MSTO1: variants seen among roughly 807,000 people sequenced by gnomAD.
The protein encoded by MSTO1 is protein misato homolog 1.
A neutral mutation model predicts 55.7 loss-of-function variants in MSTO1; 24 were observed. The observed-to-expected ratio is 0.43, with a 90% CI of 0.31 to 0.61. MSTO1 has a LOEUF of 0.61. Ranked by LOEUF, MSTO1 falls within the 20% of genes least tolerant of loss-of-function variation. The probability of loss-of-function intolerance (pLI) is 0.09; values close to 1 mark genes in which losing one functional copy is unlikely to be tolerated. For synonymous variants in MSTO1, 162 were observed against 252.8 expected (o/e 0.64, Z 3.41); for missense variants, 363 against 625.7 (o/e 0.58, Z 4.48).
At chr1:155,600,382 C>T in the MSTO1 span, among the ~76,000 whole-genome samples, 2 of 152,210 alleles carry the variant, frequency 1.3e-5, no homozygotes, top group Non-Finnish European at 2.9e-5. Flanking sequence ...GGGGTAAGGT[C>T]ATAGATTAAC....
the MSTO1 span, among the ~76,000 whole-genome samples, chr1:155,582,364 T>G: frequency 6.6e-6 from 1 of 152,170 alleles, no homozygotes. Context: ...TCTTGCAGAG[T>G]CCTGATTTGT....
chr1:155,611,119 G>A lies in MSTO1; in HGVS notation c.290+11G>A. 1 of 1,079,158 alleles carries A rather than the reference G, an allele frequency of 9.3e-7. No individual in the cohort carries two copies. Among genetic ancestry groups the A allele is most frequent in the Admixed American group, 2.4e-5 (1 of 41,784 alleles). The allele number at this position is 1,079,158 out of a possible 1,614,324, so 66.8% of individuals were successfully genotyped here. On this transcript the variant is annotated intron_variant, in intron 3 of 13. Transcript: ENST00000245564. Reference sequence around the variant, plus strand: ...TGCTGCAATAGCATGGTGTGTAACTGATGTATGGATAAGGGTGGGGATCGT... The same window carrying A: ...TGCTGCAATAGCATGGTGTGTAACTAATGTATGGATAAGGGTGGGGATCGT...
chr1:155,594,507 A>G, the MSTO1 span, among the ~76,000 whole-genome samples: 2 of 152,208 alleles, frequency 1.3e-5, no homozygotes, highest in Admixed American at 6.5e-5. Flanking sequence ...GCATGGTCCT[A>G]TGGCTATAAA....
At chr1:155,585,029 G>A in the MSTO1 span, among the ~76,000 whole-genome samples, 1 of 152,022 alleles carries the variant, frequency 6.6e-6, no homozygotes, top group Non-Finnish European at 1.5e-5. Flanking sequence ...CAAAAGTGCT[G>A]ATATTACAGG....
chr1:155,607,350 T>C (rs1369908213), upstream of MSTO1, among the ~76,000 whole-genome samples: 1 of 150,568 alleles, frequency 6.6e-6, no homozygotes, highest in Non-Finnish European at 1.5e-5. Flanking sequence ...AATTTTTGTA[T>C]TTTTAGTAGA....
At chr1:155,604,018 C>A in the MSTO1 span, among the ~76,000 whole-genome samples, 1 of 152,072 alleles carries the variant, frequency 6.6e-6, no homozygotes, top group African/African-American at 2.4e-5. Context: ...TTGCCTAAAG[C>A]TGAACTTGGA....
chr1:155,600,625 G>A, the MSTO1 span, among the ~76,000 whole-genome samples: 1 of 151,656 alleles, frequency 6.6e-6, no homozygotes, highest in Non-Finnish European at 1.5e-5. Flanking sequence ...TCGGCTCACT[G>A]CAACCTGCAT....
chr1:155,574,597 C>G, the MSTO1 span, among the ~76,000 whole-genome samples: 1 of 152,094 alleles, frequency 6.6e-6, no homozygotes, highest in South Asian at 2.1e-4. Context: ...AATAGGACCT[C>G]ACTCTGTTAC....
the MSTO1 span, among the ~76,000 whole-genome samples, chr1:155,583,456 T>C: frequency 1.3e-5 from 2 of 151,980 alleles, no homozygotes; most frequent in Non-Finnish European, 2.9e-5. Flanking sequence ...GAGGATTGCT[T>C]GAGCCTAGGA....
rs140556777 is a variant in MSTO1 at position 155,612,433 on chromosome 1, A to G, written c.829A>G (p.Ile277Val). 4.0e-5 allele frequency: 64 copies of G among 1,613,050 alleles called. No individual in the cohort carries two copies. The highest frequency in any genetic ancestry group is 5.3e-5 in the Non-Finnish European group (62 of 1,179,574). The change falls in exon 9 of 14, where the codon ATC becomes GTC. Residue 277 changes from isoleucine to valine, a missense_variant. Physicochemically the swap from Ile to Val is conservative, Grantham distance 29. This residue lies in a region of MSTO1 where 231 missense variants were observed against 286.9 expected (regional missense o/e 0.81). Coordinates refer to ENST00000245564, the MANE Select transcript of MSTO1 (RefSeq NM_018116.4). ...TCTTCACCAGGAGGCCCAGAGAAAC[A>G]TCTATCGTCTATTAAACACAGCTTT... is the stretch of plus-strand genomic sequence containing the variant. ...PYHRGEAQRN[I>V]YRLLNTAFGL...
At chr1:155,596,358 T>G in the MSTO1 span, among the ~76,000 whole-genome samples, 18 of 152,348 alleles carry the variant, frequency 1.2e-4, no homozygotes, top group Admixed American at 4.6e-4. Context: ...CAGCACAGAA[T>G]AATCCAGATG....
the MSTO1 span, among the ~76,000 whole-genome samples, chr1:155,568,079 A>ATTTTT: frequency 2.7e-4 from 41 of 150,362 alleles, no homozygotes; most frequent in African/African-American, 1.0e-3. Context: ...ATTTTATTTT[A>ATTTTT]TTTTATTTTA....
chr1:155,580,954 C>T, the MSTO1 span, among the ~76,000 whole-genome samples: 1 of 147,860 alleles, frequency 6.8e-6, no homozygotes, highest in Non-Finnish European at 1.5e-5. Flanking sequence ...AATACTCTAA[C>T]ACTACCTAAA....
the MSTO1 span, among the ~76,000 whole-genome samples, chr1:155,592,716 G>A: frequency 3.9e-5 from 6 of 152,110 alleles, no homozygotes; most frequent in African/African-American, 1.2e-4. Flanking sequence ...ACCATGCCCC[G>A]GCTAATTTTT....
the MSTO1 span, among the ~76,000 whole-genome samples, chr1:155,571,521 T>C: frequency 6.6e-6 from 1 of 152,146 alleles, no homozygotes; most frequent in Non-Finnish European, 1.5e-5. Context: ...ATGATACCAC[T>C]GCACTCAAGC....
chr1:155,609,981 G>C (rs374232411), upstream of MSTO1: 5 of 476,952 alleles, frequency 1.0e-5, no homozygotes, highest in Admixed American at 7.9e-5. Flanking sequence ...CGGCGGAGAC[G>C]GCGCCCACCC....
At chr1:155,597,622 G>A in the MSTO1 span, among the ~76,000 whole-genome samples, 4 of 150,930 alleles carry the variant, frequency 2.7e-5, no homozygotes, top group Non-Finnish European at 4.4e-5. Context: ...CGATTCTCCC[G>A]TCTCAGCCGC....
At chr1:155,583,070 C>A in the MSTO1 span, among the ~76,000 whole-genome samples, 2 of 151,730 alleles carry the variant, frequency 1.3e-5, no homozygotes, top group African/African-American at 2.4e-5. Flanking sequence ...GCAGTGTGGC[C>A]ACGTTGCCGA....
the MSTO1 span, among the ~76,000 whole-genome samples, chr1:155,577,831 G>A: frequency 1.7e-4 from 26 of 152,202 alleles, no homozygotes; most frequent in African/African-American, 6.0e-4. Context: ...CTGCACTTTC[G>A]ACTTCTCAGG....
Sources: allele counts gnomAD v4.1 joint callset (sites outside exome capture counted in the v4.1 genomes callset), GRCh38; gene constraint gnomAD v4.1.1; regional missense constraint gnomAD v4.1.1; transcripts MANE v1.5; gene names NCBI Gene and HGNC (gene_info 2026-07-23, HGNC 2026-07-21).